NUDT16L1: variants seen among roughly 807,000 people sequenced by gnomAD.
NUDT16L1 encodes nudix hydrolase 16 like 1.
A neutral mutation model predicts 17.3 loss-of-function variants in NUDT16L1; 19 were observed. The ratio of observed to expected loss-of-function variants is 1.10; its 90% CI spans 0.77 to 1.61. NUDT16L1 has a LOEUF of 1.61. Among genes scored for constraint, NUDT16L1 ranks in the 40% most tolerant of loss-of-function variants. The pLI is 0.00. For missense variants in NUDT16L1, 341 were observed against 292.0 expected, an observed-to-expected ratio of 1.17 and a Z score of -1.22; for synonymous variants, 255 against 138.6, an observed-to-expected ratio of 1.84 and a Z score of -5.90.
chr16:4,693,911 C>T (rs1479461260), intron 1 of NUDT16L1, 32 bp downstream of exon 1: 13 of 1,486,604 alleles, frequency 8.7e-6, no homozygotes, highest in South Asian at 1.3e-5. Flanking sequence ...GGCGAGGGTG[C>T]CGGCGCGGGC....
At chr16:4,694,482 G>A (rs1266080561) in intron 2 of NUDT16L1, 2 of 1,523,184 alleles carry the variant, frequency 1.3e-6, no homozygotes, top group South Asian at 1.2e-5. Context: ...GCCTGCCATT[G>A]CCAATCCTGG....
At chr16:4,695,428 CTTGT>C (rs2079521560) in exon 3 of NUDT16L1, 1 of 594,048 alleles carries the variant, frequency 1.7e-6, no homozygotes, top group Non-Finnish European at 3.0e-6. Flanking sequence ...TCAGGATGCT[CTTGT>C]TTATTCTGGG....
intron 2 of NUDT16L1, chr16:4,694,544 T>G (rs1458510017): frequency 6.9e-7 from 1 of 1,457,242 alleles, no homozygotes; most frequent in Non-Finnish European, 9.0e-7. Context: ...GGAGCGGGGA[T>G]TGCTTGGGGA....
exon 3 of NUDT16L1, chr16:4,695,167 G>A (rs368011595): frequency 7.4e-6 from 12 of 1,612,574 alleles, no homozygotes; most frequent in African/African-American, 5.3e-5. Flanking sequence ...AGTTGCTCCC[G>A]GCCTCCTCTT....
Position 4,694,783 on chromosome 16 carries a change from GC to G in NUDT16L1, c.415-174del, listed in dbSNP as rs201863721. 1.3e-3 allele frequency: 1,888 copies of G among 1,440,262 alleles called. 24 individuals carry two copies. The African/African-American group carries it at 0.024, about 18-fold the overall frequency. The allele number at this position is 1,440,262 out of a possible 1,614,324, so 89.2% of individuals were successfully genotyped here. A position where few individuals can be genotyped will look rare whatever the true frequency, so the allele number is the denominator to read the frequency against. On this transcript the variant is annotated intron_variant, in intron 2 of 2. Transcript: ENST00000304301. ...TCCACACTTGCTTGGGGAGGAGGGG[GC>G]TGCACTGCTCCGAGGGAGCTGGCTG...
chr16:4,695,095 C>A, exon 3 of NUDT16L1: 3 of 1,613,566 alleles, frequency 1.9e-6, no homozygotes, highest in Middle Eastern at 1.6e-4. Context: ...ACATGATGCC[C>A]GAGGAGAAGC....
rs1396267543 is a variant in NUDT16L1 at position 4,694,373 on chromosome 16, G to T, written c.414+135G>T. 2.7e-6 allele frequency: 4 copies of T among 1,483,564 alleles called. No individual in the cohort carries two copies. In the East Asian group the frequency reaches 1.0e-4, roughly 38 times the overall value. 91.9% of individuals were successfully genotyped at this position (1,483,564 alleles called of 1,614,324 possible). A position where few individuals can be genotyped will look rare whatever the true frequency, so the allele number is the denominator to read the frequency against. On this transcript the variant is annotated intron_variant, in intron 2 of 2. Coordinates refer to ENST00000304301, the Ensembl canonical transcript of NUDT16L1. Reference sequence around the variant, plus strand: ...GGGTGTCGCTGTCTCCAGCAATGGGGTGGGGAGAGGGGTCTGGGGCTGGGA... The same window carrying T: ...GGGTGTCGCTGTCTCCAGCAATGGGTTGGGGAGAGGGGTCTGGGGCTGGGA...
chr16:4,694,228 A>G, exon 2 of NUDT16L1: 1 of 1,505,154 alleles, frequency 6.6e-7, no homozygotes, highest in South Asian at 1.2e-5. Flanking sequence ...TCGCGCGACC[A>G]CGGCCTGGAG....
chr16:4,694,100 C>T (rs749672360), exon 2 of NUDT16L1: 22 of 1,591,094 alleles, frequency 1.4e-5, no homozygotes, highest in Middle Eastern at 1.7e-4. Flanking sequence ...TGCGCCTCAC[C>T]GAGGCCGACT....
intron 2 of NUDT16L1, chr16:4,694,742 G>GTAC: frequency 7.0e-7 from 1 of 1,425,478 alleles, no homozygotes; most frequent in Non-Finnish European, 9.1e-7. Flanking sequence ...AGGGGGGGGA[G>GTAC]TGCATGGGGT....
At chr16:4,695,137 G>T in exon 3 of NUDT16L1, 1 of 1,613,234 alleles carries the variant, frequency 6.2e-7, no homozygotes. Flanking sequence ...CCACCGAGAA[G>T]CAGAAGAAGG....
chr16:4,694,300 C>A, intron 2 of NUDT16L1, 62 bp downstream of exon 2: 1 of 1,481,440 alleles, frequency 6.8e-7, no homozygotes, highest in South Asian at 1.3e-5. Context: ...CCGTGGAAGG[C>A]ACCGATGGGT....
chr16:4,693,618 G>T, upstream of NUDT16L1: 1 of 1,239,774 alleles, frequency 8.1e-7, no homozygotes, highest in Non-Finnish European at 1.0e-6. Context: ...GGCGATTGGC[G>T]GGGGAACCGG....
chr16:4,695,041 G>A (rs1211859364), exon 3 of NUDT16L1: 3 of 1,613,288 alleles, frequency 1.9e-6, no homozygotes, highest in Non-Finnish European at 2.5e-6. Flanking sequence ...ACGCCTTCGT[G>A]AGCACGGCTA....
rs2079481874 is a variant in NUDT16L1 at position 4,694,108 on chromosome 16, A to ACTAC, written c.287_290dup (p.Ser98ProfsTer74). 1 of 1,590,324 alleles carries ACTAC rather than the reference A, an allele frequency of 6.3e-7. No homozygotes were observed. The highest frequency in any genetic ancestry group is 1.7e-5 in the Admixed American group (1 of 59,512). On this transcript the variant is annotated frameshift_variant, in exon 2 of 3. Coordinates refer to ENST00000304301, the Ensembl canonical transcript of NUDT16L1. LOFTEE classifies it high-confidence loss of function. ...GGCTGCCTGCGCCTCACCGAGGCCG[A>ACTAC]CTACCTGAGCTCGCACCTGACCGAG...
At chr16:4,695,648 A>G (rs1276229585) in exon 3 of NUDT16L1, 2 of 412,170 alleles carry the variant, frequency 4.9e-6, no homozygotes, top group Non-Finnish European at 8.6e-6. Context: ...TAGGAAGTTA[A>G]TAATACTGTT....
chr16:4,694,964 G>T, exon 3 of NUDT16L1: 1 of 1,608,350 alleles, frequency 6.2e-7, no homozygotes, highest in East Asian at 2.2e-5. Context: ...GCAGGTGCTG[G>T]GCCTCGTGCG....
chr16:4,694,330 C>T lies in NUDT16L1; in HGVS notation c.414+92C>T, dbSNP rs1035096226. The T allele has an allele frequency of 1.7e-5, 25 of 1,490,400 alleles. No individual in the cohort carries two copies. The African/African-American group carries it at 2.4e-4, about 14-fold the overall frequency. 92.3% of individuals were successfully genotyped at this position (1,490,400 alleles called of 1,614,324 possible). A position where few individuals can be genotyped will look rare whatever the true frequency, so the allele number is the denominator to read the frequency against. On this transcript the variant is annotated intron_variant, in intron 2 of 2. Transcript: ENST00000304301. ...ATGGGTAACACGTCTCCTGAGGGTC[C>T]CCTGGCCGGGCTGGGTCGGGTGTCG... is the stretch of plus-strand genomic sequence containing the variant.
exon 1 of NUDT16L1, chr16:4,693,867 C>T (rs2079477981): frequency 2.6e-6 from 4 of 1,547,480 alleles, no homozygotes; most frequent in East Asian, 2.6e-5. Context: ...TCCCCATGCG[C>T]TTCTCGGTGC....
Sources: allele counts gnomAD v4.1 joint callset, GRCh38; gene constraint gnomAD v4.1.1; transcripts MANE v1.5; gene names NCBI Gene and HGNC (gene_info 2026-07-23, HGNC 2026-07-21).